GPC5: variants seen among roughly 807,000 people sequenced by gnomAD.
GPC5 encodes glypican-5.
GPC5 carries 47 observed loss-of-function variants against 53.9 expected under a neutral mutation model. The observed-to-expected ratio is 0.87, with a 90% CI of 0.69 to 1.11. The LOEUF (loss-of-function observed/expected upper bound fraction) is 1.11. GPC5 is among the 50% of genes most tolerant of loss of function. The pLI is 0.00. For missense variants in GPC5, 748 were observed against 713.1 expected, an observed-to-expected ratio of 1.05 and a Z score of -0.56; for synonymous variants, 286 against 263.3, an observed-to-expected ratio of 1.09 and a Z score of -0.84.
At chr13:91,961,613 A>G (rs74106236) in intron 6 of GPC5, among the ~76,000 whole-genome samples, 8 of 152,182 alleles carry the variant, frequency 5.3e-5, no homozygotes, top group African/African-American at 1.4e-4. Context: ...GTTATTCATA[A>G]TAACACAGCA....
intron 7 of GPC5, among the ~76,000 whole-genome samples, chr13:92,344,511 T>A (rs1566548077): frequency 6.6e-6 from 1 of 152,176 alleles, no homozygotes; most frequent in Non-Finnish European, 1.5e-5. Flanking sequence ...AGAAGACTGA[T>A]GATTCTATAC....
intron 7 of GPC5, among the ~76,000 whole-genome samples, chr13:92,762,298 GT>G (rs1196635430): frequency 2.6e-5 from 4 of 152,058 alleles, no homozygotes; most frequent in Admixed American, 6.6e-5. Flanking sequence ...AGGGCCTAGA[GT>G]TTTTTTATGT....
chr13:92,245,204 A>G (rs947332198), intron 7 of GPC5, among the ~76,000 whole-genome samples: 18 of 152,100 alleles, frequency 1.2e-4, no homozygotes, highest in African/African-American at 4.1e-4. Context: ...TTTATGGAAT[A>G]TAATGTCTTC....
chr13:92,640,742 A>C (rs1885568521), intron 7 of GPC5, among the ~76,000 whole-genome samples: 2 of 152,144 alleles, frequency 1.3e-5, no homozygotes, highest in Admixed American at 6.6e-5. Context: ...CAATAGCTTG[A>C]AGGGGTTCCC....
At chr13:92,585,151 C>T (rs930572753) in intron 7 of GPC5, among the ~76,000 whole-genome samples, 2 of 152,068 alleles carry the variant, frequency 1.3e-5, no homozygotes, top group African/African-American at 4.8e-5. Flanking sequence ...ATCCTTCAGA[C>T]CCCAGAATGG....
chr13:91,775,790 T>C (rs750813985), intron 5 of GPC5, among the ~76,000 whole-genome samples: 4 of 152,218 alleles, frequency 2.6e-5, no homozygotes, highest in Non-Finnish European at 5.9e-5. Context: ...TTTCTTTTAC[T>C]AGATTACTCC....
rs561218711 is a variant in GPC5 at position 92,550,290 on chromosome 13, T to C, written c.1562-315992T>C. On this transcript the variant is annotated intron_variant, in intron 7 of 7. Coordinates refer to ENST00000377067, the MANE Select transcript of GPC5 (RefSeq NM_004466.6). ...AGCATTATTATCCAGGTCAACAACCTACATTATTCATTAAATTACTCCATG... is the reference window on the plus strand; with the variant it reads ...AGCATTATTATCCAGGTCAACAACCCACATTATTCATTAAATTACTCCATG... Among the ~76,000 whole-genome samples the C allele has an allele frequency of 4.6e-5, 7 of 152,034 alleles. No homozygotes were observed. The South Asian group carries it at 1.2e-3, about 27-fold the overall frequency.
At chr13:92,533,091 TTTC>T (rs1881617279) in intron 7 of GPC5, among the ~76,000 whole-genome samples, 1 of 152,176 alleles carries the variant, frequency 6.6e-6, no homozygotes, top group South Asian at 2.1e-4. Flanking sequence ...AGTTGGTTCA[TTTC>T]TTCTTGATAT....
chr13:92,228,307 A>G (rs912353581), intron 7 of GPC5, among the ~76,000 whole-genome samples: 13 of 152,144 alleles, frequency 8.5e-5, no homozygotes, highest in Admixed American at 8.5e-4. Flanking sequence ...TAAAACAAAA[A>G]TATAAATAAA....
At chr13:91,607,863 G>A (rs866779552) in intron 2 of GPC5, among the ~76,000 whole-genome samples, 20 of 152,214 alleles carry the variant, frequency 1.3e-4, no homozygotes, top group African/African-American at 4.1e-4. Context: ...AAGAAGTAGT[G>A]AGGTGCAAGA....
intron 5 of GPC5, among the ~76,000 whole-genome samples, chr13:91,778,880 A>G (rs1429258945): frequency 1.3e-5 from 2 of 152,236 alleles, no homozygotes; most frequent in Non-Finnish European, 2.9e-5. Flanking sequence ...CACCTAGACT[A>G]TATGCTCCTA....
intron 5 of GPC5, among the ~76,000 whole-genome samples, chr13:91,822,833 A>G (rs2038517373): frequency 6.6e-6 from 1 of 152,132 alleles, no homozygotes; most frequent in African/African-American, 2.4e-5. Flanking sequence ...CTCTATCAAT[A>G]TCACATGAGT....
chr13:92,064,484 G>T (rs1481222569), intron 6 of GPC5, among the ~76,000 whole-genome samples: 2 of 152,226 alleles, frequency 1.3e-5, no homozygotes, highest in South Asian at 4.1e-4. Flanking sequence ...GCGGCCTGGC[G>T]CGGTGGCTCA....
At chr13:92,386,187 A>G (rs955347901) in intron 7 of GPC5, among the ~76,000 whole-genome samples, 3 of 152,042 alleles carry the variant, frequency 2.0e-5, no homozygotes, top group Non-Finnish European at 4.4e-5. Context: ...AAGCATTTTT[A>G]AACTCATGAT....
intron 7 of GPC5, among the ~76,000 whole-genome samples, chr13:92,410,002 G>A (rs531667779): frequency 6.6e-6 from 1 of 152,316 alleles, no homozygotes; most frequent in South Asian, 2.1e-4. Context: ...GCCTGTGCAA[G>A]TATGAAGAGT....
At chr13:92,858,714 T>C (rs1879087156) in intron 7 of GPC5, among the ~76,000 whole-genome samples, 1 of 152,142 alleles carries the variant, frequency 6.6e-6, no homozygotes, top group Non-Finnish European at 1.5e-5. Context: ...CAATGTTCAC[T>C]GTCTGGGTGA....
chr13:92,544,923 A>AT (rs933937643), intron 7 of GPC5, among the ~76,000 whole-genome samples: 55 of 151,490 alleles, frequency 3.6e-4, no homozygotes, highest in South Asian at 2.1e-4. Flanking sequence ...TTTATTTTTT[A>AT]TTTTTTTTAT....
Position 91,541,110 on chromosome 13 carries a change from T to C in GPC5, c.325+92188T>C, listed in dbSNP as rs142679275. ...CTACAATTAAATCAGTGTTAAGTCA[T>C]AAGCAATTTGAATAACATTCTAATG... On this transcript the variant is annotated intron_variant, in intron 2 of 7. Coordinates refer to ENST00000377067, the MANE Select transcript of GPC5 (RefSeq NM_004466.6). Among the ~76,000 whole-genome samples the C allele has an allele frequency of 2.6e-5, 4 of 152,302 alleles. No individual in the cohort carries two copies. The East Asian group carries it at 7.7e-4, about 29-fold the overall frequency.
chr13:91,424,188 T>C (rs1299583762), intron 1 of GPC5, among the ~76,000 whole-genome samples: 2 of 152,066 alleles, frequency 1.3e-5, no homozygotes, highest in Non-Finnish European at 2.9e-5. Flanking sequence ...TAGTAACTGA[T>C]AGGTTTTATC....
Sources: gnomAD v4.1 joint callset for allele counts (sites outside exome capture counted in the v4.1 genomes callset) on GRCh38, gnomAD v4.1.1 for gene constraint, MANE v1.5 for transcripts, NCBI Gene and HGNC (gene_info 2026-07-23, HGNC 2026-07-21) for gene names.